The following CHGA variants were observed in gnomAD, a reference collection of about 807,000 sequenced individuals.
CHGA encodes chromogranin A.
Under a neutral mutation model 54.4 loss-of-function variants are expected in CHGA, and 41 were observed. The observed-to-expected ratio is 0.75, with a 90% CI of 0.59 to 0.98. The LOEUF (loss-of-function observed/expected upper bound fraction) is 0.98. Among genes scored for constraint, CHGA ranks in the 50% least tolerant of loss-of-function variants. The pLI is 0.00. For synonymous variants in CHGA, 249 were observed against 232.8 expected (o/e 1.07, Z -0.63); for missense variants, 576 against 582.3 (o/e 0.99, Z 0.11).
At chr14:92,934,250 A>C (rs971107279) in intron 7 of CHGA, among the ~76,000 whole-genome samples, 3 of 152,192 alleles carry the variant, frequency 2.0e-5, no homozygotes, top group Non-Finnish European at 4.4e-5. Context: ...CTGCTTCCCT[A>C]AACTTGGGTA....
intron 4 of CHGA, 50 bp downstream of exon 4, chr14:92,927,668 A>G (rs759869548): frequency 7.0e-7 from 1 of 1,433,188 alleles, no homozygotes; most frequent in Non-Finnish European, 9.8e-7. Flanking sequence ...AGTAACTGAG[A>G]GTCAGAAAAT....
In CHGA at chr14:92,923,293, G is replaced by A. The variant is rs368777863; in HGVS notation, c.-67G>A. ...CAGCCCGACCCCGGCCGCCAGTCCAGCCGCCCCTCGCCCGGTGCCTAGGTG... is the reference window on the plus strand; with the variant it reads ...CAGCCCGACCCCGGCCGCCAGTCCAACCGCCCCTCGCCCGGTGCCTAGGTG... On this transcript the variant is annotated 5_prime_UTR_variant, in exon 1 of 8. Coordinates refer to ENST00000216492, the MANE Select transcript of CHGA (RefSeq NM_001275.4). 1.0e-5 allele frequency: 13 copies of A among 1,255,886 alleles called. 1 individual carries two copies. The South Asian group carries it at 1.2e-4, about 11-fold the overall frequency. 77.8% of individuals were successfully genotyped at this position (1,255,886 alleles called of 1,614,324 possible).
intron 2 of CHGA, among the ~76,000 whole-genome samples, chr14:92,924,467 G>C (rs1039431096): frequency 6.6e-6 from 1 of 152,234 alleles, no homozygotes; most frequent in Non-Finnish European, 1.5e-5. Context: ...CACATGCAGC[G>C]GAAGAGGCCT....
rs182533781 is a variant in CHGA at position 92,923,487 on chromosome 14, G to A, written c.46+82G>A. On this transcript the variant is annotated intron_variant, in intron 1 of 7. Transcript: ENST00000216492. ...AGGTCCGGGCACCGCGCGGCGCCCCGCACCCCTCCACACTTCCCTTCGGGC... is the reference window on the plus strand; with the variant it reads ...AGGTCCGGGCACCGCGCGGCGCCCCACACCCCTCCACACTTCCCTTCGGGC... 3.5e-4 allele frequency: 401 copies of A among 1,160,078 alleles called. 1 individual carries two copies. In the African/African-American group the frequency reaches 5.9e-3, roughly 17 times the overall value. The allele number at this position is 1,160,078 out of a possible 1,614,324, so 71.9% of individuals were successfully genotyped here. A position where few individuals can be genotyped will look rare whatever the true frequency, so the allele number is the denominator to read the frequency against.
rs561734533 is a variant in CHGA at position 92,934,110 on chromosome 14, C to T, written c.1291-691C>T. ...GTGACCCCGGGAAAATGACCCCTCC[C>T]AGGTCAAAGGAGGCAGCCTTCCCTG... On this transcript the variant is annotated intron_variant, in intron 7 of 7. Transcript: ENST00000216492. Among the ~76,000 whole-genome samples, 15 of 152,350 alleles carry T rather than the reference C, an allele frequency of 9.8e-5. No homozygotes were observed. In the South Asian group the frequency reaches 2.1e-3, roughly 21 times the overall value.
chr14:92,931,790 T>G, intron 6 of CHGA, 88 bp downstream of exon 6: 1 of 1,306,070 alleles, frequency 7.7e-7, no homozygotes, highest in Non-Finnish European at 1.1e-6. Context: ...TCATTCCACC[T>G]TCATAACAAC....
Position 92,931,117 on chromosome 14 carries a change from C to T in CHGA, c.356-133C>T, listed in dbSNP as rs540682060. The T allele has an allele frequency of 2.2e-5, 18 of 824,458 alleles. No homozygotes were observed. The East Asian group carries it at 2.9e-4, about 13-fold the overall frequency. The allele number at this position is 824,458 out of a possible 1,614,324, so 51.1% of individuals were successfully genotyped here. A position where few individuals can be genotyped will look rare whatever the true frequency, so the allele number is the denominator to read the frequency against. On this transcript the variant is annotated intron_variant, in intron 5 of 7. Coordinates refer to ENST00000216492, the MANE Select transcript of CHGA (RefSeq NM_001275.4). ...AGCCTGGACATGGACAGAGGGGTAA[C>T]CCTAATCGTTGTCCTGGGCTGGGCT...
At chr14:92,923,509 G>A (rs1053607820) in intron 1 of CHGA, 104 bp downstream of exon 1, 2 of 1,072,046 alleles carry the variant, frequency 1.9e-6, no homozygotes, top group Non-Finnish European at 2.4e-6. Flanking sequence ...ACTTCCCTTC[G>A]GGCGCGGCGA....
chr14:92,926,702 T>A lies in CHGA; in HGVS notation c.187+4T>A. On this transcript the variant is annotated splice_donor_region_variant and intron_variant, in intron 3 of 7. Coordinates refer to ENST00000216492, the MANE Select transcript of CHGA (RefSeq NM_001275.4). ...TGTTTTGAGACACTCCGAGGAGGTA[T>A]GAGCTGGAGGCTAGGGGTGAGGGCT... The A allele has an allele frequency of 6.2e-7, 1 of 1,613,568 alleles. No individual in the cohort carries two copies.
In CHGA at chr14:92,932,260, T is replaced by C; in HGVS notation, c.809-110T>C. The C allele has an allele frequency of 1.4e-6, 2 of 1,406,148 alleles. No individual in the cohort carries two copies. Among genetic ancestry groups the C allele is most frequent in the Non-Finnish European group, 1.9e-6 (2 of 1,062,040 alleles). The allele number at this position is 1,406,148 out of a possible 1,614,324, so 87.1% of individuals were successfully genotyped here. On this transcript the variant is annotated intron_variant, in intron 6 of 7. Coordinates refer to ENST00000216492, the MANE Select transcript of CHGA (RefSeq NM_001275.4). This position sits in a 1 kb window ranked among gnomAD's most constrained non-coding sequence, Gnocchi z 5.3. ...GGTTTTTCCCGCTAAGCGTCATCAC[T>C]GTGGAGAGGCTGGGCTGTGGCCGCA...
In CHGA at chr14:92,923,183, C is replaced by G; in HGVS notation, c.-177C>G. 1 of 436,446 alleles carries G rather than the reference C, an allele frequency of 2.3e-6. No homozygotes were observed. Among genetic ancestry groups the G allele is most frequent in the Non-Finnish European group, 3.7e-6 (1 of 273,488 alleles). 27.0% of individuals were successfully genotyped at this position (436,446 alleles called of 1,614,324 possible). A position where few individuals can be genotyped will look rare whatever the true frequency, so the allele number is the denominator to read the frequency against. On this transcript the variant is annotated 5_prime_UTR_variant, in exon 1 of 8. Coordinates refer to ENST00000216492, the MANE Select transcript of CHGA (RefSeq NM_001275.4). ...TCCTGCCACTGCAGTGCTCGAGCCC[C>G]GTGCAGGGGAGCTTGCGGGAGGATC...
Position 92,932,009 on chromosome 14 carries a change from T to C in CHGA, c.808+307T>C. ...AGCTAGGGGTGGGTGATGGGTGGGC[T>C]GGCTTTGGGAACAGAGACCATGGCA... On this transcript the variant is annotated intron_variant, in intron 6 of 7. Transcript: ENST00000216492. The surrounding 1 kb of genome is among the most constrained non-coding windows in gnomAD (Gnocchi z 5.3). The C allele has an allele frequency of 2.2e-6, 1 of 455,144 alleles. No individual in the cohort carries two copies. The highest frequency in any genetic ancestry group is 3.8e-6 in the Non-Finnish European group (1 of 259,980). 28.2% of individuals were successfully genotyped at this position (455,144 alleles called of 1,614,324 possible).
chr14:92,925,908 T>C (rs1481507990), intron 2 of CHGA, among the ~76,000 whole-genome samples: 1 of 152,198 alleles, frequency 6.6e-6, no homozygotes, highest in Non-Finnish European at 1.5e-5. Flanking sequence ...CACTCATTTA[T>C]CAGATGCCTA....
chr14:92,932,150 T>C lies in CHGA; in HGVS notation c.809-220T>C, dbSNP rs1264545553. ...CCTCACTCTCCAGCTGCCGGGCTTC[T>C]GGGGTGAGGATGAGGGGAAGAGGCA... On this transcript the variant is annotated intron_variant, in intron 6 of 7. Transcript: ENST00000216492. The surrounding 1 kb of genome is among the most constrained non-coding windows in gnomAD (Gnocchi z 5.3). 1.1e-5 allele frequency: 6 copies of C among 556,318 alleles called. No homozygotes were observed. The Admixed American group carries it at 2.0e-4, about 19-fold the overall frequency. The allele number at this position is 556,318 out of a possible 1,614,324, so 34.5% of individuals were successfully genotyped here.
At chr14:92,922,907 G>A (rs1193347106), upstream of CHGA, among the ~76,000 whole-genome samples, 1 of 152,240 alleles carries the variant, frequency 6.6e-6, no homozygotes, top group African/African-American at 2.4e-5. Flanking sequence ...GAATCGTCGA[G>A]GGGTGGAGGA....
rs1215030445 is a variant in CHGA at position 92,933,239 on chromosome 14, C to T, written c.1290+388C>T. On this transcript the variant is annotated intron_variant, in intron 7 of 7. Coordinates refer to ENST00000216492, the MANE Select transcript of CHGA (RefSeq NM_001275.4). ...CCCTGCCTCTGGCCCATGAGGGTAA[C>T]GGGGCAGGGCAGGGGCAGGGCCAAG... The T allele has an allele frequency of 4.0e-5, 7 of 174,492 alleles. No homozygotes were observed. In the East Asian group the frequency reaches 6.2e-4, roughly 16 times the overall value. 10.8% of individuals were successfully genotyped at this position (174,492 alleles called of 1,614,324 possible).
intron 5 of CHGA, 82 bp downstream of exon 5, chr14:92,929,897 G>GACTCACTGGAACCC: frequency 1.8e-6 from 2 of 1,092,524 alleles, no homozygotes; most frequent in Non-Finnish European, 2.7e-6. Context: ...CAGGGTTCCA[G>GACTCACTGGAACCC]TGAGTCGGGA....
chr14:92,927,806 A>G (rs532291160), intron 4 of CHGA, among the ~76,000 whole-genome samples, 188 bp downstream of exon 4: 135 of 152,346 alleles, frequency 8.9e-4, no homozygotes, highest in Admixed American at 1.3e-3. Context: ...ATCAAGGCCC[A>G]GAGAGGTTGA....
intron 5 of CHGA, 138 bp from the exon 6 acceptor site, chr14:92,931,112 G>T: frequency 2.6e-6 from 2 of 781,072 alleles, no homozygotes; most frequent in Non-Finnish European, 4.1e-6. Flanking sequence ...TGGACAGAGG[G>T]GTAACCCTAA....
Sources: allele counts gnomAD v4.1 joint callset (sites outside exome capture counted in the v4.1 genomes callset), GRCh38; gene constraint gnomAD v4.1.1; non-coding constraint Gnocchi (gnomAD v3.1); transcripts MANE v1.5; gene names NCBI Gene and HGNC (gene_info 2026-07-23, HGNC 2026-07-21).